Variants in DGKG observed in about 807,000 individuals in gnomAD.
DGKG encodes the protein diacylglycerol kinase gamma.
DGKG carries 78 observed loss-of-function variants against 105.3 expected under a neutral mutation model. The ratio of observed to expected loss-of-function variants is 0.74; its 90% CI spans 0.62 to 0.89. The LOEUF is 0.89. Among genes scored for constraint, DGKG ranks in the 40% least tolerant of loss-of-function variants. The pLI is 0.00. For synonymous variants in DGKG, 346 were observed against 367.1 expected, an observed-to-expected ratio of 0.94 and a Z score of 0.66; for missense variants, 958 against 1,020.1, an observed-to-expected ratio of 0.94 and a Z score of 0.83.
At chr3:186,303,312 G>A (rs1026289355) in intron 3 of DGKG, among the ~76,000 whole-genome samples, 2 of 152,218 alleles carry the variant, frequency 1.3e-5, no homozygotes, top group African/African-American at 2.4e-5. Flanking sequence ...TATGAGGCAT[G>A]CTGGCAATTC....
rs9851190 is a variant in DGKG at position 186,242,910 on chromosome 3, T to C, written c.1762-342A>G. ...GGGAGACTGAGAGTCTGTGAGCAGT[T>C]AGAGATCAGGAGCCTGTGTCTGGGG... On this transcript the variant is annotated intron_variant, in intron 19 of 24. Coordinates refer to ENST00000265022, the MANE Select transcript of DGKG (RefSeq NM_001346.3). 6.6e-3 allele frequency among the ~76,000 whole-genome samples: 1,005 copies of C among 152,290 alleles called. 12 individuals carry two copies. Among genetic ancestry groups the C allele is most frequent in the African/African-American group, 0.023 (939 of 41,554 alleles).
Position 186,147,632 on chromosome 3 carries a change from G to A in DGKG, c.*2458C>T, listed in dbSNP as rs1403435929. ...CAACATTGCAAGTCCTGTGCACTAG[G>A]GTGCAGCAGGTAAGGGCCATTTTCT... On this transcript the variant is annotated 3_prime_UTR_variant, in exon 25 of 25. Transcript: ENST00000265022. 4 of 985,130 alleles carry A rather than the reference G, an allele frequency of 4.1e-6. No homozygotes were observed. Among genetic ancestry groups the A allele is most frequent in the East Asian group, 2.3e-4 (2 of 8,826 alleles). The allele number at this position is 985,130 out of a possible 1,614,324, so 61.0% of individuals were successfully genotyped here.
At chr3:186,224,332 T>G (rs1719745563) in intron 20 of DGKG, among the ~76,000 whole-genome samples, 1 of 152,198 alleles carries the variant, frequency 6.6e-6, no homozygotes, top group Admixed American at 6.5e-5. Flanking sequence ...TCTAAAATTA[T>G]GACTCACGGC....
At chr3:186,270,337 C>A (rs1250133773) in intron 11 of DGKG, among the ~76,000 whole-genome samples, 2 of 152,148 alleles carry the variant, frequency 1.3e-5, no homozygotes, top group African/African-American at 4.8e-5. Flanking sequence ...ACCATGTTGC[C>A]CCGGCTGGTC....
intron 19 of DGKG, among the ~76,000 whole-genome samples, chr3:186,246,368 T>C (rs571247570): frequency 6.6e-6 from 1 of 152,382 alleles, no homozygotes; most frequent in Non-Finnish European, 1.5e-5. Flanking sequence ...TAATTTTTTA[T>C]ATCACATTTT....
At chr3:186,290,256 AG>A (rs1457558334) in intron 5 of DGKG, among the ~76,000 whole-genome samples, 3 of 152,238 alleles carry the variant, frequency 2.0e-5, no homozygotes, top group African/African-American at 7.2e-5. Context: ...AAAATACAAT[AG>A]GATGAGATAA....
rs575479026 is a variant in DGKG at position 186,244,531 on chromosome 3, A to T, written c.1762-1963T>A. ...GAGATTCTTCCGCTTCAGCCTCATG[A>T]GTAGCTGGGATTACAGGCATCCGCC... On this transcript the variant is annotated intron_variant, in intron 19 of 24. Coordinates refer to ENST00000265022, the MANE Select transcript of DGKG (RefSeq NM_001346.3). 8.6e-5 allele frequency among the ~76,000 whole-genome samples: 13 copies of T among 151,612 alleles called. No homozygotes were observed. The South Asian group carries it at 2.5e-3, about 29-fold the overall frequency.
chr3:186,252,202 G>A lies in DGKG; in HGVS notation c.1601-283C>T, dbSNP rs149727118. On this transcript the variant is annotated intron_variant, in intron 18 of 24. Coordinates refer to ENST00000265022, the MANE Select transcript of DGKG (RefSeq NM_001346.3). ...CCCTGGAGAAGCGGTGGGCTGGATG[G>A]CTGGGAGTCTCTGCATGGGAGAACA... Among the ~76,000 whole-genome samples, 1,058 of 152,332 alleles carry A rather than the reference G, an allele frequency of 6.9e-3. 12 individuals are homozygous for A. The highest frequency in any genetic ancestry group is 0.024 in the African/African-American group (998 of 41,576).
At chr3:186,222,905 G>T (rs1364866554) in intron 20 of DGKG, among the ~76,000 whole-genome samples, 2 of 150,106 alleles carry the variant, frequency 1.3e-5, no homozygotes, top group East Asian at 4.0e-4. Flanking sequence ...TTGAACCTGG[G>T]AGGCAGAGGT....
chr3:186,280,006 TTCA>T, intron 8 of DGKG, 33 bp from the exon 9 acceptor site: 1 of 1,612,462 alleles, frequency 6.2e-7, no homozygotes, highest in South Asian at 1.1e-5. Context: ...ATTGTCCATT[TTCA>T]TCATCGACAT....
intron 24 of DGKG, chr3:186,160,351 G>T (rs13087167): frequency 1.0e-6 from 1 of 985,054 alleles, no homozygotes; most frequent in Non-Finnish European, 1.2e-6. Flanking sequence ...TTGTAGGGGG[G>T]TTGGAGATAA....
chr3:186,185,851 C>A (rs111744658), intron 22 of DGKG, among the ~76,000 whole-genome samples: 2 of 152,060 alleles, frequency 1.3e-5, no homozygotes, highest in African/African-American at 4.8e-5. Flanking sequence ...AATCCCAGCA[C>A]TTTGGGAGGC....
intron 20 of DGKG, among the ~76,000 whole-genome samples, chr3:186,229,391 C>T (rs1162629496): frequency 1.3e-5 from 2 of 152,038 alleles, no homozygotes; most frequent in Non-Finnish European, 2.9e-5. Flanking sequence ...CAGGTGCCCA[C>T]CCGCCACCAT....
chr3:186,230,907 A>T (rs999813283), intron 20 of DGKG, among the ~76,000 whole-genome samples: 7 of 152,226 alleles, frequency 4.6e-5, no homozygotes, highest in Admixed American at 2.0e-4. Context: ...TGGTGTGTTT[A>T]TCATCCTGGA....
intron 20 of DGKG, among the ~76,000 whole-genome samples, chr3:186,232,907 T>G (rs1720223160): frequency 6.6e-6 from 1 of 152,204 alleles, no homozygotes; most frequent in Non-Finnish European, 1.5e-5. Flanking sequence ...TGATGTAGGA[T>G]CTGTCTTTGT....
At position 186,160,499 on chromosome 3, in the gene DGKG, A is replaced by G. The variant is rs1004351668; in HGVS notation, c.2277+1104T>C. 6 of 985,264 alleles carry G rather than the reference A, an allele frequency of 6.1e-6. No individual in the cohort carries two copies. In the African/African-American group the frequency reaches 8.7e-5, roughly 14 times the overall value. The allele number at this position is 985,264 out of a possible 1,614,324, so 61.0% of individuals were successfully genotyped here. A position where few individuals can be genotyped will look rare whatever the true frequency, so the allele number is the denominator to read the frequency against. On this transcript the variant is annotated intron_variant, in intron 24 of 24. Coordinates refer to ENST00000265022, the MANE Select transcript of DGKG (RefSeq NM_001346.3). ...TGTTTTCATTTTTTTCTTGGTCTTC[A>G]TAAGATTGAGGTAAGATTTTTGCAG...
chr3:186,210,375 C>T lies in DGKG; in HGVS notation c.1917+1420G>A, dbSNP rs536868016. On this transcript the variant is annotated intron_variant, in intron 21 of 24. Transcript: ENST00000265022. This position sits in a 1 kb window ranked among gnomAD's most constrained non-coding sequence, Gnocchi z 5.2. ...CCTCCTTCCTCAGCTCCCAGCACTG[C>T]GTTCACACGTCAAGAGAGGAGGACC... Among the ~76,000 whole-genome samples the T allele has an allele frequency of 7.9e-5, 12 of 152,342 alleles. No homozygotes were observed. The highest frequency in any genetic ancestry group is 3.4e-3 in the Middle Eastern group (1 of 294).
chr3:186,208,747 C>T (rs190878113), intron 21 of DGKG, among the ~76,000 whole-genome samples: 6 of 152,340 alleles, frequency 3.9e-5, no homozygotes, highest in Non-Finnish European at 8.8e-5. Flanking sequence ...CATTTCTCAG[C>T]ACACCTGCCC....
At chr3:186,186,107 A>AG (rs1717621574) in intron 22 of DGKG, among the ~76,000 whole-genome samples, 3 of 151,318 alleles carry the variant, frequency 2.0e-5, no homozygotes, top group Admixed American at 1.3e-4. Flanking sequence ...AAAAAAAAAA[A>AG]AAAAAAAAAA....
Sources: gnomAD v4.1 joint callset for allele counts (sites outside exome capture counted in the v4.1 genomes callset) on GRCh38, gnomAD v4.1.1 for gene constraint, Gnocchi (gnomAD v3.1) non-coding constraint, MANE v1.5 for transcripts, NCBI Gene and HGNC (gene_info 2026-07-23, HGNC 2026-07-21) for gene names.